The following ERCC6 variants were observed in gnomAD, a reference collection of about 807,000 sequenced individuals.
ERCC6 encodes the protein DNA excision repair protein ERCC-6.
A neutral mutation model predicts 158.7 loss-of-function variants in ERCC6; 116 were observed. The ratio of observed to expected loss-of-function variants is 0.73; its 90% CI spans 0.63 to 0.85. The LOEUF (loss-of-function observed/expected upper bound fraction) is 0.85, where lower values mean the gene tolerates loss of function less well. ERCC6 is among the 40% of genes least tolerant of loss of function. The pLI is 0.00. For synonymous variants in ERCC6, 678 were observed against 659.3 expected (o/e 1.03, Z -0.43); for missense variants, 1,698 against 1,799.4 (o/e 0.94, Z 1.02).
chr10:49,532,908 C>G lies in ERCC6; in HGVS notation c.57G>C (p.Gln19His). Residue 19 changes from glutamine (Q) to histidine (H), a missense_variant, in exon 2 of 21, where the codon CAG (glutamine) becomes CAC (histidine). Transcript: ENST00000355832. ...CTTCATTATTACTGACAGGTTGACT[C>G]TGTAAACAGTCTTGCTCCTGAGTTT... Reference protein sequence around the residue: ...SSQTQEQDCLQSQPVSNNEEM... With the variant: ...SSQTQEQDCLHSQPVSNNEEM... 1 of 1,614,240 alleles carries G rather than the reference C, an allele frequency of 6.2e-7. No homozygotes were observed. The highest frequency in any genetic ancestry group is 1.1e-5 in the South Asian group (1 of 91,084).
At chr10:49,516,026 C>T (rs1300889084) in intron 5 of ERCC6, 35 of 1,613,984 alleles carry the variant, frequency 2.2e-5, no homozygotes, top group African/African-American at 4.0e-5. Flanking sequence ...TTGAACTGAG[C>T]TTATCAAGAA....
At chr10:49,516,486 T>TTA (rs1836968977) in intron 5 of ERCC6, 1 of 1,614,182 alleles carries the variant, frequency 6.2e-7, no homozygotes, top group Non-Finnish European at 8.5e-7. Context: ...AACCAGTACA[T>TTA]TATGCACATC....
the ERCC6 span, among the ~76,000 whole-genome samples, chr10:49,442,599 C>T: frequency 3.9e-5 from 6 of 152,324 alleles, no homozygotes; most frequent in Admixed American, 3.3e-4. Context: ...TCCGTGGAAG[C>T]TGATGCCAGT....
chr10:49,515,220 T>G (rs1836910458), intron 5 of ERCC6: 2 of 1,342,726 alleles, frequency 1.5e-6, no homozygotes, highest in East Asian at 5.4e-5. Flanking sequence ...AAAAAATTTA[T>G]TATGTTCCAT....
At chr10:49,446,392 A>G in the ERCC6 span, among the ~76,000 whole-genome samples, 10 of 152,184 alleles carry the variant, frequency 6.6e-5, no homozygotes, top group Admixed American at 4.6e-4. Flanking sequence ...CCACAAGAAG[A>G]AAAAATAAGA....
chr10:49,483,231 T>C, intron 9 of ERCC6, 115 bp downstream of exon 9: 1 of 1,115,132 alleles, frequency 9.0e-7, no homozygotes. Flanking sequence ...TTTAAATTTC[T>C]TGTGCAGTTG....
At chr10:49,482,063 A>G (rs1401738738) in intron 10 of ERCC6, among the ~76,000 whole-genome samples, 1 of 152,172 alleles carries the variant, frequency 6.6e-6, no homozygotes, top group Non-Finnish European at 1.5e-5. Context: ...TAGCATCCAC[A>G]GCTTTTTAGC....
intron 18 of ERCC6, among the ~76,000 whole-genome samples, chr10:49,465,665 T>G (rs1200005001): frequency 6.6e-6 from 1 of 152,170 alleles, no homozygotes; most frequent in Non-Finnish European, 1.5e-5. Context: ...GTGCTGTTCT[T>G]GTACTAGTGA....
chr10:49,517,100 T>TA lies in ERCC6; in HGVS notation c.1397+6932dup, dbSNP rs780889430. 14 of 1,596,148 alleles carry TA rather than the reference T, an allele frequency of 8.8e-6. No individual in the cohort carries two copies. In the Admixed American group the frequency reaches 2.2e-4, roughly 25 times the overall value. ...AAAGGTCAGTTATTTCATGTAAACT[T>TA]AGTGTTCGAGGCATCTTGGGACTAA... is the stretch of plus-strand genomic sequence containing the variant. On this transcript the variant is annotated intron_variant, in intron 5 of 20. Coordinates refer to ENST00000355832, the MANE Select transcript of ERCC6 (RefSeq NM_000124.4).
chr10:49,437,871 A>G, the ERCC6 span, among the ~76,000 whole-genome samples: 1 of 152,248 alleles, frequency 6.6e-6, no homozygotes, highest in South Asian at 2.1e-4. Context: ...AATTACAGTT[A>G]AAGTCAAAAT....
intron 7 of ERCC6, among the ~76,000 whole-genome samples, chr10:49,498,710 A>G (rs762847890): frequency 4.6e-5 from 7 of 152,170 alleles, no homozygotes; most frequent in Non-Finnish European, 1.0e-4. Flanking sequence ...ATTAGCCTTG[A>G]CTTCATTCTT....
chr10:49,453,384 T>C (rs1370699294), downstream of ERCC6, among the ~76,000 whole-genome samples: 1 of 152,148 alleles, frequency 6.6e-6, no homozygotes, highest in Admixed American at 6.5e-5. Flanking sequence ...TCCAACACAT[T>C]GTTATAATTA....
rs749505894 is a variant in ERCC6 at position 49,482,750 on chromosome 10, C to T, written c.2106G>A (p.Val702=). The change falls in exon 10 of 21, where the codon GTG becomes GTA. Residue 702 remains valine, a synonymous_variant. Transcript: ENST00000355832. ...IFPGKLGTLP[V]FMEQFSVPIT... Reference sequence around the variant, plus strand: ...TGGGGACGGAGAACTGCTCCATAAACACAGGCAACGTGCCTAACTTTCCCG... The same window carrying T: ...TGGGGACGGAGAACTGCTCCATAAATACAGGCAACGTGCCTAACTTTCCCG... 2.5e-6 allele frequency: 4 copies of T among 1,613,916 alleles called. No individual in the cohort carries two copies. The highest frequency in any genetic ancestry group is 3.3e-5 in the Admixed American group (2 of 59,990).
intron 11 of ERCC6, among the ~76,000 whole-genome samples, 171 bp downstream of exon 11, chr10:49,478,183 C>T (rs533677342): frequency 6.6e-6 from 1 of 152,332 alleles, no homozygotes; most frequent in East Asian, 1.9e-4. Context: ...AGGTCAAAGC[C>T]TGTGGACTAG....
At chr10:49,436,476 A>G in the ERCC6 span, among the ~76,000 whole-genome samples, 1 of 152,218 alleles carries the variant, frequency 6.6e-6, no homozygotes, top group Non-Finnish European at 1.5e-5. Context: ...CCTACAAATC[A>G]ATAAGAGAAG....
Position 49,528,413 on chromosome 10 carries a change from T to A in ERCC6, c.652+4A>T. ...CACAGAGAAACTGCTCCTAGCATCC[T>A]CACCTGCATCCTCCTCCAGACTGGC... On this transcript the variant is annotated splice_donor_region_variant and intron_variant, in intron 4 of 20. Transcript: ENST00000355832. 2 of 1,614,188 alleles carry A rather than the reference T, an allele frequency of 1.2e-6. No homozygotes were observed. The highest frequency in any genetic ancestry group is 1.7e-6 in the Non-Finnish European group (2 of 1,180,020).
In ERCC6 at chr10:49,457,917, G is replaced by C. The variant is rs1379576285; in HGVS notation, c.*898C>G. 2 of 152,294 alleles carry C rather than the reference G, an allele frequency of 1.3e-5. No individual in the cohort carries two copies. The highest frequency in any genetic ancestry group is 4.8e-5 in the African/African-American group (2 of 41,450). The allele number at this position is 152,294 out of a possible 1,614,324, so 9.4% of individuals were successfully genotyped here. On this transcript the variant is annotated 3_prime_UTR_variant, in exon 21 of 21. Transcript: ENST00000355832. ...CGTCGCAAGGAATGCAAAGGCAGGC[G>C]CAAGACGAAGGCAACTGGAGAGAAG...
At chr10:49,459,767 C>A (rs1403329266) in intron 20 of ERCC6, among the ~76,000 whole-genome samples, 1 of 152,186 alleles carries the variant, frequency 6.6e-6, no homozygotes, top group East Asian at 1.9e-4. Flanking sequence ...ATCCCTACTG[C>A]TAAAAGCACA....
intron 4 of ERCC6, among the ~76,000 whole-genome samples, chr10:49,526,695 G>A (rs962778041): frequency 6.6e-6 from 1 of 152,144 alleles, no homozygotes; most frequent in Non-Finnish European, 1.5e-5. Flanking sequence ...TTGGTTATGT[G>A]GTAATTTTGC....
Sources: gnomAD v4.1 joint callset for allele counts (sites outside exome capture counted in the v4.1 genomes callset) on GRCh38, gnomAD v4.1.1 for gene constraint, MANE v1.5 for transcripts, NCBI Gene and HGNC (gene_info 2026-07-23, HGNC 2026-07-21) for gene names.